RHEB: variants seen among roughly 807,000 people sequenced by gnomAD.
RHEB encodes the protein GTP-binding protein Rheb.
A neutral mutation model predicts 28.8 loss-of-function variants in RHEB; 2 were observed. The ratio of observed to expected loss-of-function variants is 0.07; its 90% CI spans 0.03 to 0.22. The LOEUF (loss-of-function observed/expected upper bound fraction) is 0.22. Among genes scored for constraint, RHEB ranks in the 10% least tolerant of loss-of-function variants. The probability of loss-of-function intolerance (pLI) is 1.00; values close to 1 mark genes in which losing one functional copy is unlikely to be tolerated. For missense variants in RHEB, 76 were observed against 219.9 expected, an observed-to-expected ratio of 0.35 and a Z score of 4.14; for synonymous variants, 69 against 77.3, an observed-to-expected ratio of 0.89 and a Z score of 0.56.
chr7:151,475,032 T>G, intron 4 of RHEB, among the ~76,000 whole-genome samples: 1 of 152,188 alleles, frequency 6.6e-6, no homozygotes, highest in East Asian at 1.9e-4. Flanking sequence ...ACACACCCAT[T>G]TTAGTAAGGA....
chr7:151,480,350 A>G (rs1021394033), intron 3 of RHEB, among the ~76,000 whole-genome samples: 6 of 152,200 alleles, frequency 3.9e-5, no homozygotes, highest in Non-Finnish European at 5.9e-5. Flanking sequence ...ATTGATATGG[A>G]ATAATCTCCA....
chr7:151,494,643 G>A (rs377327272), intron 1 of RHEB, among the ~76,000 whole-genome samples: 5 of 152,178 alleles, frequency 3.3e-5, no homozygotes, highest in African/African-American at 7.2e-5. Context: ...AATTTAAAAC[G>A]TATTCCTCCA....
chr7:151,482,296 C>T (rs1308761926), intron 3 of RHEB, among the ~76,000 whole-genome samples: 1 of 152,206 alleles, frequency 6.6e-6, no homozygotes, highest in Non-Finnish European at 1.5e-5. Context: ...CCAGGCTGGA[C>T]TGCAGTGGTG....
intron 4 of RHEB, 55 bp downstream of exon 4, chr7:151,477,278 G>T: frequency 1.0e-6 from 1 of 993,346 alleles, no homozygotes; most frequent in South Asian, 1.3e-5. Flanking sequence ...CCCTTAAAAG[G>T]ATCAATGTTA....
At chr7:151,503,026 C>G in intron 1 of RHEB, 1 of 785,060 alleles carries the variant, frequency 1.3e-6, no homozygotes, top group East Asian at 2.4e-5. Context: ...TAGAACGATA[C>G]TTTGATGAAA....
chr7:151,486,668 G>A (rs1364504057), intron 2 of RHEB, among the ~76,000 whole-genome samples: 4 of 152,184 alleles, frequency 2.6e-5, no homozygotes, highest in Non-Finnish European at 4.4e-5. Context: ...CTCTGGCTAC[G>A]CTGTAAGTAA....
chr7:151,489,564 G>T (rs755091448), intron 2 of RHEB, among the ~76,000 whole-genome samples: 3 of 152,156 alleles, frequency 2.0e-5, no homozygotes, highest in Non-Finnish European at 4.4e-5. Flanking sequence ...TTAAGCGAGG[G>T]GTGAGCAAAC....
chr7:151,478,370 T>A (rs988258948), intron 3 of RHEB, among the ~76,000 whole-genome samples: 6 of 149,632 alleles, frequency 4.0e-5, no homozygotes, highest in Admixed American at 2.7e-4. Flanking sequence ...TACTGCCCTA[T>A]GGTAAAGTTC....
At chr7:151,474,688 T>G (rs1802240873) in intron 4 of RHEB, among the ~76,000 whole-genome samples, 1 of 152,202 alleles carries the variant, frequency 6.6e-6, no homozygotes, top group Non-Finnish European at 1.5e-5. Context: ...ATAGGATGTA[T>G]TTTCGCTTTA....
intron 1 of RHEB, among the ~76,000 whole-genome samples, chr7:151,493,089 C>T (rs1802613581): frequency 6.6e-6 from 1 of 152,136 alleles, no homozygotes; most frequent in African/African-American, 2.4e-5. Context: ...GATCCACCCG[C>T]CTCGGCCTCC....
chr7:151,516,269 T>C (rs916509755), intron 1 of RHEB, among the ~76,000 whole-genome samples: 1 of 151,984 alleles, frequency 6.6e-6, no homozygotes, highest in Non-Finnish European at 1.5e-5. Flanking sequence ...TACCTGAGAA[T>C]TATATTTTAC....
intron 1 of RHEB, among the ~76,000 whole-genome samples, chr7:151,511,034 C>T (rs139111035): frequency 9.7e-4 from 147 of 151,694 alleles, no homozygotes; most frequent in African/African-American, 3.5e-3. Context: ...GCCGAGATCG[C>T]GACATTGCAC....
chr7:151,515,339 G>A (rs1051224705), intron 1 of RHEB, among the ~76,000 whole-genome samples: 1 of 152,200 alleles, frequency 6.6e-6, no homozygotes, highest in African/African-American at 2.4e-5. Context: ...GGCTGACAGG[G>A]AAGCAGGATG....
intron 3 of RHEB, among the ~76,000 whole-genome samples, chr7:151,480,816 CT>C: frequency 6.6e-6 from 1 of 152,114 alleles, no homozygotes; most frequent in East Asian, 1.9e-4. Flanking sequence ...TCCCAAGTAG[CT>C]GGGATTATAG....
intron 1 of RHEB, among the ~76,000 whole-genome samples, chr7:151,500,077 T>C (rs1777083592): frequency 6.6e-6 from 1 of 152,190 alleles, no homozygotes; most frequent in Admixed American, 6.5e-5. Context: ...GCTGAGATTA[T>C]GGGTGTGAAC....
At chr7:151,507,326 G>C (rs1424198999) in intron 1 of RHEB, among the ~76,000 whole-genome samples, 1 of 152,100 alleles carries the variant, frequency 6.6e-6, no homozygotes, top group Non-Finnish European at 1.5e-5. Context: ...TGGCAGGATT[G>C]GTGGTTGTTG....
At chr7:151,489,368 T>C (rs1419274070) in intron 2 of RHEB, among the ~76,000 whole-genome samples, 1 of 152,172 alleles carries the variant, frequency 6.6e-6, no homozygotes, top group Non-Finnish European at 1.5e-5. Flanking sequence ...CTTACTATTA[T>C]ATAATGACCA....
At chr7:151,511,125 C>T (rs1802980076) in intron 1 of RHEB, among the ~76,000 whole-genome samples, 1 of 151,966 alleles carries the variant, frequency 6.6e-6, no homozygotes, top group South Asian at 2.1e-4. Flanking sequence ...AATAGGCAGA[C>T]ACATTTATAT....
intron 1 of RHEB, among the ~76,000 whole-genome samples, chr7:151,516,531 G>A (rs970697917): frequency 6.7e-6 from 1 of 148,870 alleles, no homozygotes; most frequent in African/African-American, 2.5e-5. Context: ...GCTGAGGCAG[G>A]AGAATCGGTT....
Sources: gnomAD v4.1 joint callset for allele counts (sites outside exome capture counted in the v4.1 genomes callset) on GRCh38, gnomAD v4.1.1 for gene constraint, MANE v1.5 for transcripts, NCBI Gene and HGNC (gene_info 2026-07-23, HGNC 2026-07-21) for gene names.